Variants in LRP6 observed in about 807,000 individuals in gnomAD.
LRP6 encodes low-density lipoprotein receptor-related protein 6.
In LRP6, 43 loss-of-function variants were observed where a neutral mutation model predicts 184.1. That is an observed-to-expected ratio of 0.23 (90% CI 0.18 to 0.30). The LOEUF is 0.30. LRP6 is among the 10% of genes least tolerant of loss of function. The pLI is 1.00. For synonymous variants in LRP6, 719 were observed against 684.9 expected, an observed-to-expected ratio of 1.05 and a Z score of -0.78; for missense variants, 1,571 against 2,005.3, an observed-to-expected ratio of 0.78 and a Z score of 4.14.
chr12:12,220,584 C>T (rs1362270365), intron 2 of LRP6, among the ~76,000 whole-genome samples: 2 of 146,666 alleles, frequency 1.4e-5, no homozygotes, highest in East Asian at 2.0e-4. Flanking sequence ...TGAACACTAA[C>T]GCATATTTTT....
intron 7 of LRP6, among the ~76,000 whole-genome samples, chr12:12,175,617 G>A (rs758273071): frequency 1.3e-5 from 2 of 151,302 alleles, no homozygotes; most frequent in Admixed American, 1.3e-4. Flanking sequence ...AACCCAGGAG[G>A]TGGAGCTTGC....
intron 5 of LRP6, 64 bp from the exon 6 acceptor site, chr12:12,181,503 A>G (rs1331695800): frequency 4.8e-6 from 4 of 835,376 alleles, no homozygotes; most frequent in Non-Finnish European, 8.3e-6. Context: ...CCTGCTCTAG[A>G]TAAAGAATCA....
In LRP6 at chr12:12,131,945, T is replaced by C. The variant is rs376826929; in HGVS notation, c.3846A>G (p.Glu1282=). ...GFTECEDHSD[E]LNCPVCSESQ... is the part of the protein sequence containing the mutation. ...ACTCTGAGCATACAGGACAATTGAG[T>C]TCATCACTGTGGTCTTCACATTCAG... is the stretch of plus-strand genomic sequence containing the variant. Residue 1282 remains glutamate, a synonymous_variant, in exon 18 of 23, where the codon GAA becomes GAG. Transcript: ENST00000261349. 17 of 1,614,092 alleles carry C rather than the reference T, an allele frequency of 1.1e-5. No individual in the cohort carries two copies. The highest frequency in any genetic ancestry group is 3.3e-5 in the Admixed American group (2 of 60,010).
At chr12:12,252,255 T>C (rs968682757) in intron 1 of LRP6, among the ~76,000 whole-genome samples, 2 of 152,220 alleles carry the variant, frequency 1.3e-5, no homozygotes, top group Non-Finnish European at 2.9e-5. Flanking sequence ...CAGTGGCCCA[T>C]GATCCTATTT....
intron 2 of LRP6, among the ~76,000 whole-genome samples, chr12:12,205,764 CTA>C (rs891618508): frequency 2.0e-5 from 3 of 152,164 alleles, no homozygotes; most frequent in Non-Finnish European, 2.9e-5. Context: ...ATTCTGAAGT[CTA>C]TGTGTATGTC....
At chr12:12,212,006 C>T (rs1370290342) in intron 2 of LRP6, among the ~76,000 whole-genome samples, 1 of 152,134 alleles carries the variant, frequency 6.6e-6, no homozygotes, top group Non-Finnish European at 1.5e-5. Flanking sequence ...TCAGGAATGC[C>T]CCCTTCAAGC....
Position 12,236,914 on chromosome 12 carries a change from A to ATT in LRP6, c.449+7346_449+7347dup, listed in dbSNP as rs34993303. On this transcript the variant is annotated intron_variant, in intron 2 of 22. Coordinates refer to ENST00000261349, the MANE Select transcript of LRP6 (RefSeq NM_002336.3). ...CTCTCCAAACCCCCATAATTCAGGG[A>ATT]TTTTTTTTTTGAGGCTTTTTATATA... Among the ~76,000 whole-genome samples, 454 of 150,268 alleles carry ATT rather than the reference A, an allele frequency of 3.0e-3. 2 individuals are homozygous for ATT. The highest frequency in any genetic ancestry group is 8.7e-3 in the African/African-American group (358 of 40,974).
chr12:12,175,483 C>T lies in LRP6; in HGVS notation c.1545+4327G>A, dbSNP rs942183923. ...GGCACGCAGCTCCAGGTCAGGAGATCGAGACCAGCCTGGCTAACACAGTGA... is the reference window on the plus strand; with the variant it reads ...GGCACGCAGCTCCAGGTCAGGAGATTGAGACCAGCCTGGCTAACACAGTGA... On this transcript the variant is annotated intron_variant, in intron 7 of 22. Transcript: ENST00000261349. Among the ~76,000 whole-genome samples, 5 of 151,966 alleles carry T rather than the reference C, an allele frequency of 3.3e-5. No homozygotes were observed. The East Asian group carries it at 5.8e-4, about 18-fold the overall frequency.
intron 2 of LRP6, among the ~76,000 whole-genome samples, chr12:12,229,370 C>CAAAA (rs375650917): frequency 3.4e-4 from 21 of 61,300 alleles, no homozygotes; most frequent in Middle Eastern, 7.8e-3. Flanking sequence ...AACTCCATTT[C>CAAAA]AAAAAAAAAA....
intron 1 of LRP6, among the ~76,000 whole-genome samples, chr12:12,257,428 A>G (rs1865491393): frequency 6.6e-6 from 1 of 151,764 alleles, no homozygotes; most frequent in East Asian, 1.9e-4. Context: ...AAATACAAAA[A>G]AAATTAGCTG....
At chr12:12,196,925 T>C (rs762506093) in intron 3 of LRP6, among the ~76,000 whole-genome samples, 23 of 152,204 alleles carry the variant, frequency 1.5e-4, no homozygotes, top group Non-Finnish European at 2.8e-4. Flanking sequence ...TCACCAAAGT[T>C]ATAAAATGGT....
At chr12:12,257,692 A>C (rs1271365235) in intron 1 of LRP6, among the ~76,000 whole-genome samples, 1 of 142,678 alleles carries the variant, frequency 7.0e-6, no homozygotes, top group African/African-American at 2.5e-5. Context: ...CTGTAATCGC[A>C]AGCACTTTGG....
At chr12:12,200,392 T>C (rs1402619986) in intron 3 of LRP6, among the ~76,000 whole-genome samples, 1 of 152,222 alleles carries the variant, frequency 6.6e-6, no homozygotes, top group Non-Finnish European at 1.5e-5. Flanking sequence ...ACTCTGTTCA[T>C]GAATGTGTCC....
rs190174542 is a variant in LRP6, at chr12:12,227,655, C to T, written c.449+16607G>A. Among the ~76,000 whole-genome samples the T allele has an allele frequency of 3.3e-5, 5 of 152,148 alleles. No homozygotes were observed. In the East Asian group the frequency reaches 9.7e-4, roughly 29 times the overall value. On this transcript the variant is annotated intron_variant, in intron 2 of 22. Coordinates refer to ENST00000261349, the MANE Select transcript of LRP6 (RefSeq NM_002336.3). ...AACTCCTGACCTCAGGTGAGCCACC[C>T]GCCTTGGCCTCCCAAAGTGCTGAGA...
chr12:12,159,941 C>T lies in LRP6; in HGVS notation c.2303G>A (p.Gly768Asp). 1 of 1,612,900 alleles carries T rather than the reference C, an allele frequency of 6.2e-7. No individual in the cohort carries two copies. The highest frequency in any genetic ancestry group is 8.5e-7 in the Non-Finnish European group (1 of 1,179,260). Residue 768 changes from glycine to aspartate, a missense_variant, in exon 11 of 23, where the codon GGT becomes GAT. Around this residue, in one of 4 missense-constraint regions of LRP6, gnomAD observed 158 missense variants for 258.4 expected, o/e 0.61. Transcript: ENST00000261349. ...AEGFMYWTEW[G>D]GKPKIDRAAM... The stretch of plus-strand genomic sequence containing the variant: ...AGCTCTGTCTATCTTAGGTTTTCCA[C>T]CCCATTCAGTCCAATACATAAATCT...
At chr12:12,174,315 T>C (rs1037717452) in intron 7 of LRP6, among the ~76,000 whole-genome samples, 16 of 152,286 alleles carry the variant, frequency 1.1e-4, no homozygotes, top group Admixed American at 7.2e-4. Flanking sequence ...TTTCACCATG[T>C]TGGCCAGGCT....
intron 2 of LRP6, among the ~76,000 whole-genome samples, chr12:12,221,827 G>A (rs971126789): frequency 1.1e-4 from 16 of 152,130 alleles, no homozygotes; most frequent in African/African-American, 3.9e-4. Context: ...CCTGTGTGGA[G>A]GTTACCACAT....
At chr12:12,203,530 G>A in intron 2 of LRP6, 130 bp from the exon 3 acceptor site, 1 of 725,188 alleles carries the variant, frequency 1.4e-6, no homozygotes, top group East Asian at 2.7e-5. Flanking sequence ...ACTCTGGGAG[G>A]CTGAGGCAGG....
At chr12:12,209,382 G>A (rs974777901) in intron 2 of LRP6, among the ~76,000 whole-genome samples, 1 of 152,058 alleles carries the variant, frequency 6.6e-6, no homozygotes, top group African/African-American at 2.4e-5. Flanking sequence ...CAAAGCTAAT[G>A]GATAATCCCT....
Sources: allele counts gnomAD v4.1 joint callset (sites outside exome capture counted in the v4.1 genomes callset), GRCh38; gene constraint gnomAD v4.1.1; regional missense constraint gnomAD v4.1.1; transcripts MANE v1.5; gene names NCBI Gene and HGNC (gene_info 2026-07-23, HGNC 2026-07-21).